Variants in PIEZO2 observed in about 807,000 individuals in gnomAD.
PIEZO2 encodes piezo-type mechanosensitive ion channel component 2.
PIEZO2 carries 172 observed loss-of-function variants against 337.3 expected under a neutral mutation model. That is an observed-to-expected ratio of 0.51 (90% CI 0.45 to 0.58). The LOEUF (loss-of-function observed/expected upper bound fraction) is 0.58, where lower values mean the gene tolerates loss of function less well. Ranked by LOEUF, PIEZO2 falls within the 20% of genes least tolerant of loss-of-function variation. The pLI, the probability that PIEZO2 is intolerant of heterozygous loss-of-function variation, is 0.00. For synonymous variants in PIEZO2, 1,251 were observed against 1,228.5 expected (o/e 1.02, Z -0.38); for missense variants, 3,028 against 3,391.3 (o/e 0.89, Z 2.66).
At chr18:10,822,122 C>T (rs1489810121) in intron 7 of PIEZO2, among the ~76,000 whole-genome samples, 1 of 152,230 alleles carries the variant, frequency 6.6e-6, no homozygotes, top group Non-Finnish European at 1.5e-5. Context: ...CATGTCACCA[C>T]AATGTCATTG....
At chr18:10,800,688 T>G (rs1037261504) in intron 10 of PIEZO2, among the ~76,000 whole-genome samples, 2 of 152,270 alleles carry the variant, frequency 1.3e-5, no homozygotes, top group African/African-American at 4.8e-5. Flanking sequence ...CAGGAAAATG[T>G]GCATCTGATC....
Position 11,069,231 on chromosome 18 carries a change from A to G in PIEZO2, c.65-3009T>C, listed in dbSNP as rs1052401284. Among the ~76,000 whole-genome samples, 1 of 152,192 alleles carries G rather than the reference A, an allele frequency of 6.6e-6. No individual in the cohort carries two copies. Reference sequence around the variant, plus strand: ...CCAGACAAGGATAATACAAGGAAAGAAAATTACAGGCCAGTGTCCTTGATG... The same window carrying G: ...CCAGACAAGGATAATACAAGGAAAGGAAATTACAGGCCAGTGTCCTTGATG... On this transcript the variant is annotated intron_variant, in intron 1 of 55. Transcript: ENST00000674853. The surrounding 1 kb of genome is among the most constrained non-coding windows in gnomAD (Gnocchi z 4.9).
Position 11,078,066 on chromosome 18 carries a change from AC to A in PIEZO2, c.65-11845del, listed in dbSNP as rs2038609619. ...CACACCCACACACACACACACACAC[AC>A]CACACACACAAAAACAAACATACAC... is the stretch of plus-strand genomic sequence containing the variant. On this transcript the variant is annotated intron_variant, in intron 1 of 55. Transcript: ENST00000674853. This position sits in a 1 kb window ranked among gnomAD's most constrained non-coding sequence, Gnocchi z 5.3. 1.4e-5 allele frequency among the ~76,000 whole-genome samples: 2 copies of A among 140,128 alleles called. No homozygotes were observed. Among genetic ancestry groups the A allele is most frequent in the African/African-American group, 5.4e-5 (2 of 36,930 alleles). 91.9% of individuals were successfully genotyped at this position (140,128 alleles called of 152,430 possible).
At chr18:10,931,274 A>C (rs551678557) in intron 3 of PIEZO2, among the ~76,000 whole-genome samples, 41 of 152,220 alleles carry the variant, frequency 2.7e-4, no homozygotes, top group African/African-American at 9.1e-4. Flanking sequence ...ATCTCTGCCC[A>C]CTGTAAGCTC....
chr18:10,737,657 C>T (rs1448832336), intron 33 of PIEZO2: 3 of 152,158 alleles, frequency 2.0e-5, no homozygotes, highest in East Asian at 3.8e-4. Flanking sequence ...AAAACTACAA[C>T]GTACAGAGAT....
chr18:11,010,715 A>G (rs1250947202), intron 2 of PIEZO2, among the ~76,000 whole-genome samples: 1 of 152,226 alleles, frequency 6.6e-6, no homozygotes, highest in Non-Finnish European at 1.5e-5. Context: ...TCCAGGGGTC[A>G]TTAAATAATA....
At chr18:10,744,025 A>G (rs1447402730) in intron 31 of PIEZO2, 117 bp downstream of exon 31, 5 of 647,134 alleles carry the variant, frequency 7.7e-6, no homozygotes, top group Admixed American at 3.2e-5. Context: ...GGAAGTTGTG[A>G]AAGTCCATAC....
intron 4 of PIEZO2, among the ~76,000 whole-genome samples, chr18:10,871,761 C>T (rs2042146003): frequency 6.6e-6 from 1 of 152,160 alleles, no homozygotes; most frequent in South Asian, 2.1e-4. Flanking sequence ...AAACTAAATA[C>T]ATACTAGCAG....
Position 11,101,792 on chromosome 18 carries a change from C to T in PIEZO2, c.65-35570G>A, listed in dbSNP as rs769087464. Among the ~76,000 whole-genome samples, 33 of 152,120 alleles carry T rather than the reference C, an allele frequency of 2.2e-4. 1 individual carries two copies. Among genetic ancestry groups the T allele is most frequent in the Admixed American group, 6.5e-5 (1 of 15,268 alleles). On this transcript the variant is annotated intron_variant, in intron 1 of 55. Transcript: ENST00000674853. This position sits in a 1 kb window ranked among gnomAD's most constrained non-coding sequence, Gnocchi z 4.4. ...ATATCCTGAGGAAAAATGTAGACCC[C>T]GACCAGGCAGAAGGCCTCGGCTACT...
At chr18:10,686,199 A>C (rs1418826820) in intron 49 of PIEZO2, among the ~76,000 whole-genome samples, 9 of 152,150 alleles carry the variant, frequency 5.9e-5, no homozygotes, top group African/African-American at 1.7e-4. Context: ...GGGTGTCAGC[A>C]CCCATCCTAC....
intron 3 of PIEZO2, among the ~76,000 whole-genome samples, chr18:10,972,106 A>T (rs1361027226): frequency 6.6e-6 from 1 of 151,494 alleles, no homozygotes; most frequent in Non-Finnish European, 1.5e-5. Flanking sequence ...CAGCCTGGCC[A>T]ACATGGTGAA....
rs1170611073 is a variant in PIEZO2, at chr18:10,855,638, A to ATT, written c.704-74_704-73dup. The ATT allele has an allele frequency of 8.5e-7, 1 of 1,180,014 alleles. No individual in the cohort carries two copies. The highest frequency in any genetic ancestry group is 1.5e-5 in the African/African-American group (1 of 64,572). The allele number at this position is 1,180,014 out of a possible 1,614,324, so 73.1% of individuals were successfully genotyped here. ...CACTTATCATTCAGTGAATGTGACT[A>ATT]TTTGAAATTATGTGAATTTCCTTCA... On this transcript the variant is annotated intron_variant, in intron 6 of 55. Transcript: ENST00000674853. This position sits in a 1 kb window ranked among gnomAD's most constrained non-coding sequence, Gnocchi z 4.9.
chr18:10,691,130 C>A, intron 48 of PIEZO2, 95 bp downstream of exon 48: 2 of 1,373,348 alleles, frequency 1.5e-6, no homozygotes, highest in Admixed American at 2.1e-5. Context: ...CTGCTGAATT[C>A]ATCCTCTCCC....
intron 4 of PIEZO2, among the ~76,000 whole-genome samples, chr18:10,910,539 T>C (rs2030382100): frequency 2.0e-5 from 3 of 151,738 alleles, no homozygotes; most frequent in Admixed American, 2.0e-4. Context: ...GCCGAGATCA[T>C]GCCAGTGCAC....
At chr18:11,042,859 C>A (rs1261644544) in intron 2 of PIEZO2, among the ~76,000 whole-genome samples, 1 of 152,170 alleles carries the variant, frequency 6.6e-6, no homozygotes, top group Non-Finnish European at 1.5e-5. Flanking sequence ...GGATGCTAAT[C>A]AACCTTCCAA....
At position 10,726,779 on chromosome 18, in the gene PIEZO2, C is replaced by T. The variant is rs1444414817; in HGVS notation, c.5029+4628G>A. 2 of 1,541,496 alleles carry T rather than the reference C, an allele frequency of 1.3e-6. No homozygotes were observed. Among genetic ancestry groups the T allele is most frequent in the African/African-American group, 2.7e-5 (2 of 72,766 alleles). ...CTGCTGACCTCACTGGGCAAGGTGT[C>T]CTATGAGGATGTGGACCACCTGCGG... On this transcript the variant is annotated intron_variant, in intron 36 of 55. Coordinates refer to ENST00000674853, the MANE Select transcript of PIEZO2 (RefSeq NM_001378183.1). The surrounding 1 kb of genome is among the most constrained non-coding windows in gnomAD (Gnocchi z 5.9).
At position 11,106,058 on chromosome 18, in the gene PIEZO2, G is replaced by A. The variant is rs765364127; in HGVS notation, c.65-39836C>T. Among the ~76,000 whole-genome samples the A allele has an allele frequency of 2.9e-4, 44 of 152,080 alleles. 1 individual carries two copies. The highest frequency in any genetic ancestry group is 1.0e-3 in the South Asian group (5 of 4,808). On this transcript the variant is annotated intron_variant, in intron 1 of 55. Transcript: ENST00000674853. ...AAGATAACTAAAAATGCTACACTAT[G>A]CTGAAACCCACTTGGCAGCCTTTTA...
At position 10,954,156 on chromosome 18, in the gene PIEZO2, G is replaced by T. The variant is rs770568566; in HGVS notation, c.286+25379C>A. Among the ~76,000 whole-genome samples the T allele has an allele frequency of 2.0e-5, 3 of 152,066 alleles. No individual in the cohort carries two copies. Among genetic ancestry groups the T allele is most frequent in the Non-Finnish European group, 4.4e-5 (3 of 67,990 alleles). On this transcript the variant is annotated intron_variant, in intron 3 of 55. Coordinates refer to ENST00000674853, the MANE Select transcript of PIEZO2 (RefSeq NM_001378183.1). The surrounding 1 kb of genome is among the most constrained non-coding windows in gnomAD (Gnocchi z 4.2). ...ATTTTTCATTTTCAAAATTACTTTG[G>T]CTATTGTAGTTTTTTTTCCATATAT...
chr18:11,018,208 GGTGGTGGTGGTGGT>G (rs1239129560), intron 2 of PIEZO2, among the ~76,000 whole-genome samples: 1 of 143,808 alleles, frequency 7.0e-6, no homozygotes, highest in African/African-American at 2.7e-5. Flanking sequence ...TGGTGGTGGT[GGTGGTGGTGGTGGT>G]GTGTGTGTGT....
Sources: gnomAD v4.1 joint callset for allele counts (sites outside exome capture counted in the v4.1 genomes callset) on GRCh38, gnomAD v4.1.1 for gene constraint, Gnocchi (gnomAD v3.1) non-coding constraint, MANE v1.5 for transcripts, NCBI Gene and HGNC (gene_info 2026-07-23, HGNC 2026-07-21) for gene names.